Variants in RANBP17 observed in about 807,000 individuals in gnomAD.
The protein encoded by RANBP17 is RAN binding protein 17.
RANBP17 carries 158 observed loss-of-function variants against 141.2 expected under a neutral mutation model. The observed-to-expected ratio is 1.12, with a 90% CI of 0.98 to 1.28. The LOEUF (loss-of-function observed/expected upper bound fraction) is 1.28, where lower values mean the gene tolerates loss of function less well. Ranked by LOEUF, RANBP17 falls within the 50% of genes most tolerant of loss-of-function variation. RANBP17 has a pLI of 0.00. For missense variants in RANBP17, 1,438 were observed against 1,290.7 expected (o/e 1.11, Z -1.75); for synonymous variants, 430 against 450.0 (o/e 0.96, Z 0.56).
chr5:171,258,231 A>G (rs528126252), intron 24 of RANBP17, among the ~76,000 whole-genome samples: 5 of 152,070 alleles, frequency 3.3e-5, no homozygotes, highest in African/African-American at 4.8e-5. Flanking sequence ...TGATGAAAGA[A>G]GTTGAAGATG....
intron 21 of RANBP17, among the ~76,000 whole-genome samples, 184 bp downstream of exon 21, chr5:171,213,922 G>A (rs1561770242): frequency 6.6e-6 from 1 of 152,106 alleles, no homozygotes; most frequent in Non-Finnish European, 1.5e-5. Flanking sequence ...AGAGAAAAAA[G>A]TACAGTATAC....
intron 14 of RANBP17, among the ~76,000 whole-genome samples, chr5:171,002,672 G>A (rs1174673637): frequency 6.6e-6 from 1 of 152,138 alleles, no homozygotes; most frequent in African/African-American, 2.4e-5. Flanking sequence ...GTGGAAGGGG[G>A]CAGAATGGTA....
At chr5:170,933,861 G>T (rs940426785) in intron 12 of RANBP17, among the ~76,000 whole-genome samples, 1 of 152,124 alleles carries the variant, frequency 6.6e-6, no homozygotes. Flanking sequence ...GAATAAGTGC[G>T]ATGTGGTGCT....
At chr5:171,243,314 T>G (rs2127998100) in intron 24 of RANBP17, among the ~76,000 whole-genome samples, 1 of 152,358 alleles carries the variant, frequency 6.6e-6, no homozygotes, top group East Asian at 1.9e-4. Context: ...TCATTTAGCA[T>G]AGTGACTTTG....
At chr5:171,006,743 T>TAAAA (rs59337087) in intron 14 of RANBP17, among the ~76,000 whole-genome samples, 3 of 142,978 alleles carry the variant, frequency 2.1e-5, no homozygotes, top group East Asian at 4.1e-4. Context: ...CTTAAAGTAT[T>TAAAA]AAAAAAAAAA....
At chr5:171,056,824 A>T (rs1054637437) in intron 14 of RANBP17, among the ~76,000 whole-genome samples, 1 of 152,174 alleles carries the variant, frequency 6.6e-6, no homozygotes, top group African/African-American at 2.4e-5. Flanking sequence ...ATACCTCAAA[A>T]ATTTTTTAAA....
chr5:170,984,234 T>C (rs575515905), intron 14 of RANBP17, among the ~76,000 whole-genome samples: 58 of 152,272 alleles, frequency 3.8e-4, no homozygotes, highest in Admixed American at 1.7e-3. Context: ...CATCCGGGTG[T>C]ATGGTTTCTT....
intron 25 of RANBP17, among the ~76,000 whole-genome samples, chr5:171,277,532 C>G (rs983202266): frequency 6.8e-6 from 1 of 147,158 alleles, no homozygotes; most frequent in Non-Finnish European, 1.5e-5. Flanking sequence ...ACCTCAGGCT[C>G]GAACAGAGAA....
At chr5:171,173,800 T>C (rs1193121367) in intron 16 of RANBP17, among the ~76,000 whole-genome samples, 1 of 152,152 alleles carries the variant, frequency 6.6e-6, no homozygotes, top group Non-Finnish European at 1.5e-5. Context: ...AGAATTGCAG[T>C]TTTCACAAGC....
chr5:170,943,342 G>A (rs1279770836), intron 12 of RANBP17, among the ~76,000 whole-genome samples: 9 of 151,968 alleles, frequency 5.9e-5, no homozygotes, highest in Non-Finnish European at 1.3e-4. Context: ...GTATTATATT[G>A]TCTCGCTCTT....
At chr5:170,944,905 C>T (rs371964669) in intron 12 of RANBP17, among the ~76,000 whole-genome samples, 29 of 152,286 alleles carry the variant, frequency 1.9e-4, no homozygotes, top group East Asian at 7.7e-4. Context: ...ATACTTTACT[C>T]ATTCTGTTTT....
At chr5:170,981,052 T>C (rs1347164688) in intron 14 of RANBP17, among the ~76,000 whole-genome samples, 1 of 152,214 alleles carries the variant, frequency 6.6e-6, no homozygotes, top group Non-Finnish European at 1.5e-5. Context: ...ATTTTGGAGC[T>C]TTAAGATTTG....
chr5:171,113,661 TA>T (rs754453318), intron 14 of RANBP17, among the ~76,000 whole-genome samples: 1 of 152,040 alleles, frequency 6.6e-6, no homozygotes, highest in East Asian at 1.9e-4. Context: ...ACATAGCTAA[TA>T]AAAAAAGGAG....
intron 14 of RANBP17, among the ~76,000 whole-genome samples, chr5:170,997,701 A>T (rs933649323): frequency 6.6e-6 from 1 of 152,198 alleles, no homozygotes; most frequent in African/African-American, 2.4e-5. Flanking sequence ...ACAGACTCAC[A>T]TCTATCATTA....
chr5:170,991,465 G>A (rs999054939), intron 14 of RANBP17, among the ~76,000 whole-genome samples: 2 of 151,892 alleles, frequency 1.3e-5, no homozygotes, highest in Non-Finnish European at 2.9e-5. Flanking sequence ...AGAATTAGAG[G>A]CTATATATTC....
intron 12 of RANBP17, among the ~76,000 whole-genome samples, chr5:170,938,995 A>G (rs1774109123): frequency 6.6e-6 from 1 of 152,170 alleles, no homozygotes; most frequent in Non-Finnish European, 1.5e-5. Flanking sequence ...AAACTATATA[A>G]CCCCAAAGAC....
chr5:171,064,331 A>G (rs1330339224), intron 14 of RANBP17, among the ~76,000 whole-genome samples: 3 of 152,206 alleles, frequency 2.0e-5, no homozygotes, highest in Admixed American at 2.0e-4. Flanking sequence ...TGTATTTTTA[A>G]GCTTTTGAAT....
intron 14 of RANBP17, among the ~76,000 whole-genome samples, chr5:171,079,275 A>T (rs1785119192): frequency 6.6e-6 from 1 of 152,220 alleles, no homozygotes; most frequent in Non-Finnish European, 1.5e-5. Context: ...AAAATCAAAC[A>T]GATGAGTTTC....
chr5:171,282,602 C>A lies in RANBP17; in HGVS notation c.2944-11281C>A, dbSNP rs562397974. ...CAAGCAATTCTCCAGTCTCAGCCTC[C>A]CAAGTAGCTGGGATTACAGGTGCGC... On this transcript the variant is annotated intron_variant, in intron 25 of 27. Coordinates refer to ENST00000523189, the MANE Select transcript of RANBP17 (RefSeq NM_022897.5). Among the ~76,000 whole-genome samples the A allele has an allele frequency of 4.2e-3, 645 of 152,182 alleles. 4 individuals carry two copies. The highest frequency in any genetic ancestry group is 0.015 in the African/African-American group (622 of 41,510).
Sources: gnomAD v4.1 joint callset for allele counts (sites outside exome capture counted in the v4.1 genomes callset) on GRCh38, gnomAD v4.1.1 for gene constraint, MANE v1.5 for transcripts, NCBI Gene and HGNC (gene_info 2026-07-23, HGNC 2026-07-21) for gene names.